SVIL: variants seen among roughly 807,000 people sequenced by gnomAD.
SVIL encodes the protein archvillin.
Under a neutral mutation model 240.4 loss-of-function variants are expected in SVIL, and 101 were observed. That is an observed-to-expected ratio of 0.42 (90% CI 0.36 to 0.50). SVIL has a LOEUF of 0.50. Ranked by LOEUF, SVIL falls within the 20% of genes least tolerant of loss-of-function variation. The pLI is 0.01. For synonymous variants in SVIL, 999 were observed against 1,100.0 expected, an observed-to-expected ratio of 0.91 and a Z score of 1.82; for missense variants, 2,512 against 2,818.7, an observed-to-expected ratio of 0.89 and a Z score of 2.46.
chr10:29,499,241 C>A lies in SVIL; in HGVS notation c.3539G>T (p.Ser1180Ile), dbSNP rs1489718716. 7.4e-6 allele frequency: 12 copies of A among 1,614,124 alleles called. No homozygotes were observed. The highest frequency in any genetic ancestry group is 4.5e-5 in the East Asian group (2 of 44,898). The change falls in exon 18 of 38, where the codon AGC (serine) becomes ATC (isoleucine). Residue 1180 changes from serine to isoleucine, a missense_variant. Ser to Ile is a moderately radical substitution (Grantham distance 142, BLOSUM62 -2). This residue lies in a region of SVIL where 1,443 missense variants were observed against 1,486.6 expected (regional missense o/e 0.97). Transcript: ENST00000355867. ...CTTCCTCTCCTCAATCGTCATTTGG[C>A]TCTCTCGACTTTCTGTGACCCGCTG... is the stretch of plus-strand genomic sequence containing the variant. ...IKKRVTESRE[S>I]QMTIEERKQL...
chr10:29,557,391 C>A (rs1021399155), intron 3 of SVIL, among the ~76,000 whole-genome samples: 3 of 152,090 alleles, frequency 2.0e-5, no homozygotes, highest in Non-Finnish European at 4.4e-5. Flanking sequence ...AGCCACCGCG[C>A]CTGGCCTAAC....
At position 29,468,014 on chromosome 10, in the gene SVIL, A is replaced by G. The variant is rs1945121633; in HGVS notation, c.5844-139T>C. 3.2e-6 allele frequency: 3 copies of G among 947,490 alleles called. No homozygotes were observed. The Admixed American group carries it at 8.0e-5, about 25-fold the overall frequency. The allele number at this position is 947,490 out of a possible 1,614,324, so 58.7% of individuals were successfully genotyped here. On this transcript the variant is annotated intron_variant, in intron 32 of 37. Coordinates refer to ENST00000355867, the MANE Select transcript of SVIL (RefSeq NM_021738.3). ...ACATGTCATAAAATTCACTCTTTTT[A>G]TGTGTACAGATTTCAGTTTATTCAC...
intron 16 of SVIL, among the ~76,000 whole-genome samples, chr10:29,519,784 A>G (rs1950444280): frequency 6.6e-6 from 1 of 152,240 alleles, no homozygotes; most frequent in Non-Finnish European, 1.5e-5. Flanking sequence ...CCTTTCTATC[A>G]TGATTCTGAA....
intron 1 of SVIL, among the ~76,000 whole-genome samples, chr10:29,612,725 T>C (rs1010821956): frequency 6.6e-6 from 1 of 152,166 alleles, no homozygotes; most frequent in Non-Finnish European, 1.5e-5. Flanking sequence ...GGAAAAAAGA[T>C]TTCAAAAAGT....
At chr10:29,690,895 G>T (rs1418179201) in intron 1 of SVIL, among the ~76,000 whole-genome samples, 1 of 152,166 alleles carries the variant, frequency 6.6e-6, no homozygotes, top group Non-Finnish European at 1.5e-5. Context: ...GAACAATCAA[G>T]TTGGCTGATT....
At chr10:29,691,518 TG>T (rs577718098) in intron 1 of SVIL, among the ~76,000 whole-genome samples, 223 of 152,278 alleles carry the variant, frequency 1.5e-3, no homozygotes, top group African/African-American at 5.2e-3. Context: ...GCCCCAATAA[TG>T]AATAATTTTT....
chr10:29,722,855 G>T (rs1231550428), intron 1 of SVIL, among the ~76,000 whole-genome samples: 1 of 152,156 alleles, frequency 6.6e-6, no homozygotes, highest in Non-Finnish European at 1.5e-5. Flanking sequence ...CTTATTGGCT[G>T]GGAAGTGAAT....
At chr10:29,715,866 A>G (rs1371310966) in intron 1 of SVIL, among the ~76,000 whole-genome samples, 2 of 152,264 alleles carry the variant, frequency 1.3e-5, no homozygotes, top group Non-Finnish European at 2.9e-5. Flanking sequence ...GTGCTGTCCA[A>G]TACAAGAACC....
intron 30 of SVIL, among the ~76,000 whole-genome samples, 180 bp from the exon 31 acceptor site, chr10:29,471,423 G>A (rs1301895163): frequency 6.6e-6 from 1 of 151,102 alleles, no homozygotes; most frequent in Non-Finnish European, 1.5e-5. Flanking sequence ...TCCTCTCAGG[G>A]TGTTACTCAG....
intron 1 of SVIL, among the ~76,000 whole-genome samples, chr10:29,596,286 G>A (rs1288337337): frequency 3.9e-5 from 6 of 152,276 alleles, no homozygotes; most frequent in Admixed American, 2.0e-4. Context: ...GTGTAAGCAA[G>A]ATAGTGAGAC....
At chr10:29,479,914 A>C (rs1946642823) in intron 29 of SVIL, among the ~76,000 whole-genome samples, 1 of 152,150 alleles carries the variant, frequency 6.6e-6, no homozygotes, top group South Asian at 2.1e-4. Context: ...ATTTCTCCAG[A>C]GTTCACCGGA....
intron 32 of SVIL, chr10:29,469,037 A>G (rs1236815278): frequency 6.6e-6 from 1 of 152,016 alleles, no homozygotes; most frequent in Non-Finnish European, 1.5e-5. Flanking sequence ...CAGAAAAACC[A>G]TTTTTTCCGA....
chr10:29,599,256 C>T (rs1564687410), intron 1 of SVIL, among the ~76,000 whole-genome samples: 1 of 152,194 alleles, frequency 6.6e-6, no homozygotes, highest in South Asian at 2.1e-4. Flanking sequence ...GGACAACACT[C>T]AACTCCTAAG....
intron 1 of SVIL, among the ~76,000 whole-genome samples, chr10:29,597,870 G>A (rs913137815): frequency 1.3e-5 from 2 of 151,852 alleles, no homozygotes; most frequent in Admixed American, 6.6e-5. Flanking sequence ...CTCTGCCACC[G>A]CTCACACAGC....
At chr10:29,508,494 CA>C (rs1949542171) in intron 17 of SVIL, 1 of 915,576 alleles carries the variant, frequency 1.1e-6, no homozygotes, top group South Asian at 1.4e-5. Context: ...GTTCAAACAG[CA>C]GCATGCACGT....
At chr10:29,509,971 C>T (rs928300900) in intron 17 of SVIL, among the ~76,000 whole-genome samples, 2 of 152,234 alleles carry the variant, frequency 1.3e-5, no homozygotes, top group African/African-American at 2.4e-5. Context: ...GGCACAAATA[C>T]TGCTCATTGC....
intron 12 of SVIL, among the ~76,000 whole-genome samples, chr10:29,528,955 C>A (rs1951136826): frequency 6.6e-6 from 1 of 151,854 alleles, no homozygotes; most frequent in African/African-American, 2.4e-5. Context: ...AGGCATGGAT[C>A]ACCTGAGGTC....
At chr10:29,546,528 T>C (rs1364762980) in intron 6 of SVIL, among the ~76,000 whole-genome samples, 1 of 151,944 alleles carries the variant, frequency 6.6e-6, no homozygotes, top group African/African-American at 2.4e-5. Context: ...ATAAATGTAT[T>C]ATTCAGGTAA....
At position 29,640,879 on chromosome 10, in the gene SVIL, C is replaced by T. The variant is rs181697927; in HGVS notation, c.-201+17090G>A. 5.7e-3 allele frequency among the ~76,000 whole-genome samples: 867 copies of T among 152,268 alleles called. 9 individuals are homozygous for T. Among genetic ancestry groups the T allele is most frequent in the African/African-American group, 0.013 (543 of 41,552 alleles). On this transcript the variant is annotated intron_variant, in intron 3 of 35. Transcript: ENST00000375400. ...CGCCACTTCCAGAATGGCCTTTAAA[C>T]GGCCCCACCCTGCCTGCTCACTCCC...
Sources: allele counts gnomAD v4.1 joint callset (sites outside exome capture counted in the v4.1 genomes callset), GRCh38; gene constraint gnomAD v4.1.1; regional missense constraint gnomAD v4.1.1; transcripts MANE v1.5; gene names NCBI Gene and HGNC (gene_info 2026-07-23, HGNC 2026-07-21).